The following SMG1 variants were observed in gnomAD, a reference collection of about 807,000 sequenced individuals.
SMG1 encodes serine/threonine-protein kinase SMG1.
In SMG1, 22 loss-of-function variants were observed where a neutral mutation model predicts 419.9. That is an observed-to-expected ratio of 0.05 (90% confidence interval 0.04 to 0.07). SMG1 has a LOEUF of 0.07. Among genes scored for constraint, SMG1 ranks in the 10% least tolerant of loss-of-function variants. The probability of loss-of-function intolerance (pLI) is 1.00; values close to 1 mark genes in which losing one functional copy is unlikely to be tolerated. For synonymous variants in SMG1, 1,538 were observed against 1,553.5 expected (o/e 0.99, Z 0.23); for missense variants, 3,185 against 4,342.0 (o/e 0.73, Z 7.49).
intron 1 of SMG1, among the ~76,000 whole-genome samples, chr16:18,922,145 G>A (rs1005365718): frequency 7.2e-5 from 11 of 152,148 alleles, no homozygotes; most frequent in Non-Finnish European, 8.8e-5. Flanking sequence ...ATATTAAAAT[G>A]TACAATTATG....
chr16:18,864,588 C>A (rs1187670814), intron 23 of SMG1, among the ~76,000 whole-genome samples: 2 of 151,936 alleles, frequency 1.3e-5, no homozygotes, highest in African/African-American at 2.4e-5. Flanking sequence ...CTTGCCCTCC[C>A]AGGCTCATGC....
intron 1 of SMG1, among the ~76,000 whole-genome samples, chr16:18,903,834 T>A (rs933547124): frequency 1.3e-5 from 2 of 152,134 alleles, no homozygotes; most frequent in Non-Finnish European, 2.9e-5. Context: ...ACATACAGCT[T>A]TTCTTCCCAT....
intron 57 of SMG1, among the ~76,000 whole-genome samples, chr16:18,816,951 T>C (rs2141117427): frequency 6.6e-6 from 1 of 152,298 alleles, no homozygotes; most frequent in South Asian, 2.1e-4. Flanking sequence ...AGCATTCATC[T>C]TCCATAAGCC....
chr16:18,843,265 T>C (rs984123569), intron 39 of SMG1, among the ~76,000 whole-genome samples: 11 of 152,222 alleles, frequency 7.2e-5, no homozygotes, highest in African/African-American at 2.7e-4. Context: ...GGAAATTTGG[T>C]GGATCTCTAA....
At position 18,852,381 on chromosome 16, in the gene SMG1, T is replaced by C; in HGVS notation, c.4850A>G (p.Lys1617Arg). 1 of 1,613,818 alleles carries C rather than the reference T, an allele frequency of 6.2e-7. No individual in the cohort carries two copies. The highest frequency in any genetic ancestry group is 8.5e-7 in the Non-Finnish European group (1 of 1,179,846). The stretch of plus-strand genomic sequence containing the variant: ...CCAGCTGGCCAACGCTGCCCAAGAT[T>C]TGGCTACTTCAGGTGCCTGTACTGA... ...LSSVQAPEVAKSWAALASWAY... is the reference protein window; with the variant it reads ...LSSVQAPEVARSWAALASWAY... Residue 1617 changes from lysine (K) to arginine (R), a missense_variant, in exon 32 of 63, where the codon AAA (lysine) becomes AGA (arginine). Coordinates refer to ENST00000446231, the MANE Select transcript of SMG1 (RefSeq NM_015092.5).
In SMG1 at chr16:18,863,751, G is replaced by A. The variant is rs759554350; in HGVS notation, c.3594C>T (p.Ala1198=). The A allele has an allele frequency of 6.3e-6, 10 of 1,579,596 alleles. No individual in the cohort carries two copies. The highest frequency in any genetic ancestry group is 4.5e-5 in the East Asian group (2 of 44,794). The change falls in exon 25 of 63, where the codon GCC becomes GCT. Residue 1198 remains alanine (A), a synonymous_variant. Transcript: ENST00000446231. ...NKACECYISI[A]DWAAVQEWQN... ...GCCATTCCTGCACAGCAGCCCAATC[G>A]GCAATTGAGATGTAGCACTCACATG... is the stretch of plus-strand genomic sequence containing the variant.
At chr16:18,857,496 A>G (rs1185884375) in intron 29 of SMG1, 2 of 152,246 alleles carry the variant, frequency 1.3e-5, no homozygotes, top group Non-Finnish European at 2.9e-5. Flanking sequence ...TAAAATACAA[A>G]TGAAATACAC....
At chr16:18,821,326 C>T (rs1464095816) in intron 55 of SMG1, among the ~76,000 whole-genome samples, 1 of 29,472 alleles carries the variant, frequency 3.4e-5, no homozygotes, top group East Asian at 5.2e-4. Flanking sequence ...CATATGTATA[C>T]ATGTGCCATG....
rs757000234 is a variant in SMG1 at position 18,815,439 on chromosome 16, CCT to C, written c.10513_10514del (p.Ser3505TyrfsTer3). On this transcript the variant is annotated frameshift_variant and splice_region_variant, in exon 59 of 63. Transcript: ENST00000446231. LOFTEE classifies it high-confidence loss of function. ...TLKELKTQSQ[S>X]IYNNLVSFAS... ...AAATTCTGACCAGAAGGCATTCTTACCTCTGACTTTGTGTTTTCAGTTCTTTC... is the reference window on the plus strand; with the variant it reads ...AAATTCTGACCAGAAGGCATTCTTACCTGACTTTGTGTTTTCAGTTCTTTC... 6.2e-7 allele frequency: 1 copy of C among 1,613,832 alleles called. No homozygotes were observed. The highest frequency in any genetic ancestry group is 8.5e-7 in the Non-Finnish European group (1 of 1,179,744).
chr16:18,885,433 T>A, intron 7 of SMG1, 108 bp downstream of exon 7: 1 of 1,368,410 alleles, frequency 7.3e-7, no homozygotes, highest in South Asian at 1.2e-5. Flanking sequence ...ATATCACTGA[T>A]TATATTCAAA....
At chr16:18,905,014 C>A (rs1038242885) in intron 1 of SMG1, among the ~76,000 whole-genome samples, 5 of 152,082 alleles carry the variant, frequency 3.3e-5, no homozygotes, top group Non-Finnish European at 5.9e-5. Context: ...GTAATCCCAG[C>A]ACTTTGGGAG....
At chr16:18,871,032 CACTG>C (rs777909291) in intron 16 of SMG1, 144 bp from the exon 17 acceptor site, 26 of 617,702 alleles carry the variant, frequency 4.2e-5, no homozygotes, top group African/African-American at 2.8e-4. Context: ...CCAGAATTCT[CACTG>C]ACTGTCACAT....
At chr16:18,835,526 A>G (rs1364732578) in intron 48 of SMG1, among the ~76,000 whole-genome samples, 1 of 152,196 alleles carries the variant, frequency 6.6e-6, no homozygotes, top group East Asian at 1.9e-4. Flanking sequence ...CCGTGGTCCC[A>G]GCTACTTGGG....
chr16:18,871,414 A>G lies in SMG1; in HGVS notation c.2252T>C (p.Leu751Ser). Reference protein sequence around the residue: ...LMKKSETYAPLFSLPSFHKFC... With the variant: ...LMKKSETYAPSFSLPSFHKFC... The stretch of plus-strand genomic sequence containing the variant: ...TTTATGGAAAGACGGAAGAGAGAAT[A>G]AAGGTGCGTATGTTTCAGACTTCTT... The change falls in exon 16 of 63, where the codon TTA becomes TCA. Residue 751 changes from leucine to serine, a missense_variant. Physicochemically the swap from Leu to Ser is moderately radical, Grantham distance 145. This residue lies in a region of SMG1 where 297 missense variants were observed against 491.0 expected (regional missense o/e 0.60). Transcript: ENST00000446231. 2 of 1,603,548 alleles carry G rather than the reference A, an allele frequency of 1.2e-6. No individual in the cohort carries two copies. Among genetic ancestry groups the G allele is most frequent in the Non-Finnish European group, 1.7e-6 (2 of 1,177,448 alleles).
intron 38 of SMG1, among the ~76,000 whole-genome samples, chr16:18,846,004 T>C (rs965790124): frequency 6.6e-6 from 1 of 151,942 alleles, no homozygotes; most frequent in Non-Finnish European, 1.5e-5. Context: ...TTAGTAGAGA[T>C]GGGGTTTCAC....
At position 18,827,443 on chromosome 16, in the gene SMG1, G is replaced by T. The variant is rs2032776687; in HGVS notation, c.9741+588C>A. ...TCTGTCTCCAAAATATATATATATA[G>T]GTATAAATATACCTATATATATATA... On this transcript the variant is annotated intron_variant, in intron 55 of 62. Coordinates refer to ENST00000446231, the MANE Select transcript of SMG1 (RefSeq NM_015092.5). Among the ~76,000 whole-genome samples, 4 of 141,606 alleles carry T rather than the reference G, an allele frequency of 2.8e-5. No individual in the cohort carries two copies. In the South Asian group the frequency reaches 6.7e-4, roughly 24 times the overall value. The allele number at this position is 141,606 out of a possible 152,430, so 92.9% of individuals were successfully genotyped here.
At position 18,806,226 on chromosome 16, in the gene SMG1, T is replaced by C. The variant is rs1470856421; in HGVS notation, c.*3343A>G. On this transcript the variant is annotated 3_prime_UTR_variant, in exon 63 of 63. Transcript: ENST00000446231. ...TTAAAAAAACAAAAAACAATGCAGA[T>C]AACACCAAACATTGGACAATATTAA... 6.6e-6 allele frequency: 1 copy of C among 152,534 alleles called. No homozygotes were observed. The highest frequency in any genetic ancestry group is 1.5e-5 in the Non-Finnish European group (1 of 68,010). 9.4% of individuals were successfully genotyped at this position (152,534 alleles called of 1,614,324 possible).
chr16:18,849,261 G>T lies in SMG1; in HGVS notation c.5579C>A (p.Ala1860Glu). ...QDSPHLILYP[A>E]IVGTISLSSE... ...ACTAAGCGATATGGTACCCACTATT[G>T]CAGGATACAATATGAGATGTGGGGA... Residue 1860 changes from alanine to glutamate, a missense_variant, in exon 36 of 63, where the codon GCA becomes GAA. Around this residue, in one of 27 missense-constraint regions of SMG1, gnomAD observed 130 missense variants for 162.0 expected, o/e 0.80. Coordinates refer to ENST00000446231, the MANE Select transcript of SMG1 (RefSeq NM_015092.5). 6.2e-7 allele frequency: 1 copy of T among 1,613,432 alleles called. No individual in the cohort carries two copies. Among genetic ancestry groups the T allele is most frequent in the Non-Finnish European group, 8.5e-7 (1 of 1,179,558 alleles).
rs1288893526 is a variant in SMG1, at chr16:18,926,046, T to C, written c.-5A>G. The C allele has an allele frequency of 8.3e-6, 13 of 1,565,358 alleles. No individual in the cohort carries two copies. In the African/African-American group the frequency reaches 1.4e-4, roughly 17 times the overall value. ...CCCCGGGGCTCTGCGGCTCATTACC[T>C]TCCCCGACACGACATGGCCAAGCGC... is the stretch of plus-strand genomic sequence containing the variant. On this transcript the variant is annotated 5_prime_UTR_variant, in exon 1 of 63. Transcript: ENST00000446231.
Sources: allele counts gnomAD v4.1 joint callset (sites outside exome capture counted in the v4.1 genomes callset), GRCh38; gene constraint gnomAD v4.1.1; regional missense constraint gnomAD v4.1.1; transcripts MANE v1.5; gene names NCBI Gene and HGNC (gene_info 2026-07-23, HGNC 2026-07-21).